Variants in AKAP19 observed in about 807,000 individuals in gnomAD.
AKAP19 encodes small A-kinase anchoring protein.
the AKAP19 span, among the ~76,000 whole-genome samples, chr2:190,152,693 G>A: frequency 7.2e-5 from 11 of 152,002 alleles, no homozygotes; most frequent in African/African-American, 2.4e-4. Context: ...TGTTATTATT[G>A]TTCCTTAGTA....
At chr2:189,883,136 C>T in the AKAP19 span, among the ~76,000 whole-genome samples, 10 of 152,182 alleles carry the variant, frequency 6.6e-5, 1 homozygote, top group South Asian at 1.5e-3. Context: ...GCTTATTAAG[C>T]GCTGATTGTT....
the AKAP19 span, among the ~76,000 whole-genome samples, chr2:190,115,659 T>A: frequency 1.1e-4 from 16 of 152,086 alleles, no homozygotes; most frequent in Non-Finnish European, 2.4e-4. Context: ...TATTTCCTAT[T>A]TTCCCTTTCA....
chr2:190,159,020 T>C, the AKAP19 span, among the ~76,000 whole-genome samples: 1 of 151,918 alleles, frequency 6.6e-6, no homozygotes, highest in Non-Finnish European at 1.5e-5. Context: ...AAGGCTGCAG[T>C]GGAAGGGGCT....
chr2:189,898,749 T>C, the AKAP19 span, among the ~76,000 whole-genome samples: 3 of 152,174 alleles, frequency 2.0e-5, no homozygotes, highest in African/African-American at 7.2e-5. Context: ...CAAGCTCTAA[T>C]CACTTCTGGC....
the AKAP19 span, among the ~76,000 whole-genome samples, chr2:189,905,853 C>T: frequency 6.6e-6 from 1 of 151,904 alleles, no homozygotes; most frequent in Non-Finnish European, 1.5e-5. Flanking sequence ...ACCCCAAGGC[C>T]GGAAGGTAGC....
At chr2:190,100,414 C>G in the AKAP19 span, among the ~76,000 whole-genome samples, 2 of 152,174 alleles carry the variant, frequency 1.3e-5, no homozygotes. Context: ...TGTAAGGAAT[C>G]CAGTTCTTTC....
the AKAP19 span, among the ~76,000 whole-genome samples, chr2:189,927,502 T>A: frequency 6.6e-6 from 1 of 152,212 alleles, no homozygotes; most frequent in Non-Finnish European, 1.5e-5. Flanking sequence ...TGTGCGATAA[T>A]GGTAGACTTA....
chr2:190,030,787 G>A, the AKAP19 span, among the ~76,000 whole-genome samples: 3 of 152,198 alleles, frequency 2.0e-5, no homozygotes, highest in African/African-American at 7.2e-5. Context: ...TTCTGGATAT[G>A]TATTTGGAGA....
chr2:190,191,292 A>G, the AKAP19 span, among the ~76,000 whole-genome samples: 4 of 152,048 alleles, frequency 2.6e-5, no homozygotes, highest in Non-Finnish European at 5.9e-5. Context: ...ACAGGTGTGC[A>G]CCACTATGCC....
the AKAP19 span, among the ~76,000 whole-genome samples, chr2:189,897,660 T>A: frequency 2.0e-5 from 3 of 152,188 alleles, no homozygotes; most frequent in Admixed American, 2.0e-4. Context: ...GCATAAAATA[T>A]CTTTCTAAGG....
At chr2:190,196,668 A>C in the AKAP19 span, among the ~76,000 whole-genome samples, 1 of 151,728 alleles carries the variant, frequency 6.6e-6, no homozygotes, top group Non-Finnish European at 1.5e-5. Flanking sequence ...GTATTGTTTT[A>C]TTTCTTGTTA....
chr2:190,077,478 A>T, the AKAP19 span, among the ~76,000 whole-genome samples: 3 of 149,986 alleles, frequency 2.0e-5, no homozygotes, highest in Admixed American at 6.6e-5. Context: ...CATGTTAAAA[A>T]TTTTTTAAAA....
the AKAP19 span, among the ~76,000 whole-genome samples, chr2:189,958,677 T>C: frequency 6.6e-6 from 1 of 150,642 alleles, no homozygotes. Flanking sequence ...CACTGGGTAA[T>C]ATAAAGAACC....
At chr2:190,043,386 A>G in the AKAP19 span, among the ~76,000 whole-genome samples, 1 of 152,050 alleles carries the variant, frequency 6.6e-6, no homozygotes, top group East Asian at 1.9e-4. Context: ...GATTTTGTTC[A>G]TTCCTTTTTA....
the AKAP19 span, among the ~76,000 whole-genome samples, chr2:190,130,106 A>C: frequency 6.6e-6 from 1 of 152,204 alleles, no homozygotes; most frequent in African/African-American, 2.4e-5. Flanking sequence ...GGGCAGGCTA[A>C]GTGACCCTAT....
At chr2:189,882,007 A>G in the AKAP19 span, among the ~76,000 whole-genome samples, 7 of 152,308 alleles carry the variant, frequency 4.6e-5, no homozygotes, top group South Asian at 8.3e-4. Flanking sequence ...ACTTTGTTCC[A>G]TAGAAGGAAT....
the AKAP19 span, among the ~76,000 whole-genome samples, chr2:190,123,842 C>G: frequency 6.6e-6 from 1 of 152,186 alleles, no homozygotes; most frequent in Non-Finnish European, 1.5e-5. Context: ...TGGAGAAGAT[C>G]CACCCTCAAT....
At chr2:189,887,469 T>G in the AKAP19 span, among the ~76,000 whole-genome samples, 1 of 152,210 alleles carries the variant, frequency 6.6e-6, no homozygotes, top group African/African-American at 2.4e-5. Flanking sequence ...ATAGAATGAT[T>G]TATAATCCTT....
the AKAP19 span, among the ~76,000 whole-genome samples, chr2:190,133,779 T>C: frequency 6.6e-6 from 1 of 152,162 alleles, no homozygotes; most frequent in Non-Finnish European, 1.5e-5. Context: ...ATGTGGACTC[T>C]AGGAGAGTTG....
Sources: gnomAD v4.1 joint callset for allele counts (sites outside exome capture counted in the v4.1 genomes callset) on GRCh38, gnomAD v4.1.1 for gene constraint, MANE v1.5 for transcripts, NCBI Gene and HGNC (gene_info 2026-07-23, HGNC 2026-07-21) for gene names.